Variants in TAFA4 observed in about 807,000 individuals in gnomAD.
TAFA4 encodes TAFA chemokine like family member 4.
In TAFA4, 20 loss-of-function variants were observed where a neutral mutation model predicts 21.1. The ratio of observed to expected loss-of-function variants is 0.95; its 90% CI spans 0.67 to 1.38. The LOEUF is 1.38. Ranked by LOEUF, TAFA4 falls within the 40% of genes most tolerant of loss-of-function variation. TAFA4 has a pLI of 0.00. For missense variants in TAFA4, 211 were observed against 180.9 expected (o/e 1.17, Z -0.95); for synonymous variants, 71 against 67.4 (o/e 1.05, Z -0.26).
intron 3 of TAFA4, among the ~76,000 whole-genome samples, chr3:68,779,008 G>C (rs1035156744): frequency 6.6e-6 from 1 of 152,178 alleles, no homozygotes; most frequent in African/African-American, 2.4e-5. Context: ...TGCTGATAGC[G>C]ATAAGGACAA....
At chr3:68,777,926 A>G (rs1362385689) in intron 3 of TAFA4, among the ~76,000 whole-genome samples, 3 of 152,146 alleles carry the variant, frequency 2.0e-5, no homozygotes, top group Non-Finnish European at 4.4e-5. Flanking sequence ...GTAGTCAATA[A>G]CATCTAGGTT....
chr3:68,827,300 G>A (rs1446078135), intron 3 of TAFA4, among the ~76,000 whole-genome samples: 1 of 152,116 alleles, frequency 6.6e-6, no homozygotes, highest in African/African-American at 2.4e-5. Flanking sequence ...GGACATTTGG[G>A]TTGGTTCCAA....
At chr3:68,749,363 CTTTGT>C (rs1249624328) in intron 4 of TAFA4, among the ~76,000 whole-genome samples, 1 of 152,080 alleles carries the variant, frequency 6.6e-6, no homozygotes, top group African/African-American at 2.4e-5. Flanking sequence ...ATCTTCTTGC[CTTTGT>C]TTTAATTTAA....
chr3:68,827,539 C>T (rs144124253), intron 3 of TAFA4, among the ~76,000 whole-genome samples: 2,079 of 152,286 alleles, frequency 0.014, 40 homozygotes, highest in African/African-American at 0.047. Context: ...ACATCCTCTC[C>T]AGCATCTGTT....
intron 5 of TAFA4, among the ~76,000 whole-genome samples, chr3:68,736,170 T>A (rs1702237807): frequency 6.6e-6 from 1 of 152,006 alleles, no homozygotes; most frequent in Non-Finnish European, 1.5e-5. Flanking sequence ...TAAGAAGATA[T>A]CATACCCTTG....
intron 5 of TAFA4, among the ~76,000 whole-genome samples, chr3:68,735,815 T>C (rs114315651): frequency 0.033 from 4,981 of 152,246 alleles, 114 homozygotes; most frequent in South Asian, 0.065. Context: ...TACTATTCTT[T>C]AAAGCAGCTT....
At chr3:68,894,398 G>A (rs565555226) in intron 1 of TAFA4, among the ~76,000 whole-genome samples, 5 of 152,232 alleles carry the variant, frequency 3.3e-5, no homozygotes, top group South Asian at 2.1e-4. Flanking sequence ...GGGCTCAAGC[G>A]ATCCTCCTGC....
chr3:68,880,873 T>A (rs1405932109), intron 2 of TAFA4, 28 bp from the exon 3 acceptor site: 1 of 1,590,040 alleles, frequency 6.3e-7, no homozygotes, highest in Admixed American at 1.7e-5. Flanking sequence ...CTGGAGTCAG[T>A]GAGGGCTGAG....
intron 2 of TAFA4, 29 bp from the exon 3 acceptor site, chr3:68,880,874 G>T: frequency 6.3e-7 from 1 of 1,588,292 alleles, no homozygotes; most frequent in Non-Finnish European, 8.6e-7. Context: ...TGGAGTCAGT[G>T]AGGGCTGAGG....
intron 2 of TAFA4, 39 bp downstream of exon 2, chr3:68,885,136 A>C (rs908464007): frequency 6.2e-7 from 1 of 1,605,666 alleles, no homozygotes; most frequent in Non-Finnish European, 8.5e-7. Context: ...AATACTTTGT[A>C]AAGATATCAT....
intron 5 of TAFA4, 93 bp downstream of exon 5, chr3:68,738,979 CATA>C: frequency 6.5e-7 from 1 of 1,539,080 alleles, no homozygotes; most frequent in Non-Finnish European, 8.8e-7. Flanking sequence ...TTTATTAACA[CATA>C]ATAATGTGTT....
chr3:68,763,285 G>A (rs1702789343), intron 3 of TAFA4, among the ~76,000 whole-genome samples: 1 of 152,116 alleles, frequency 6.6e-6, no homozygotes, highest in Admixed American at 6.5e-5. Flanking sequence ...AATGGAGGAT[G>A]ATATATTAGA....
intron 5 of TAFA4, 34 bp from the exon 6 acceptor site, chr3:68,733,187 C>T: frequency 6.2e-7 from 1 of 1,608,112 alleles, no homozygotes; most frequent in Non-Finnish European, 8.5e-7. Flanking sequence ...ACATTCAACA[C>T]TCTATACCCA....
chr3:68,737,802 A>G (rs185562224), intron 5 of TAFA4, among the ~76,000 whole-genome samples: 1 of 152,336 alleles, frequency 6.6e-6, no homozygotes, highest in East Asian at 1.9e-4. Flanking sequence ...GGACGACATA[A>G]GAAAGGCAAG....
chr3:68,866,678 A>AAAAAT (rs2089424321), intron 3 of TAFA4, among the ~76,000 whole-genome samples: 2 of 123,748 alleles, frequency 1.6e-5, no homozygotes, highest in African/African-American at 3.0e-5. Context: ...AAAAAAAAAA[A>AAAAAT]CTCTGCAAAC....
At chr3:68,864,295 T>C (rs1296295542) in intron 3 of TAFA4, among the ~76,000 whole-genome samples, 1 of 152,094 alleles carries the variant, frequency 6.6e-6, no homozygotes, top group Non-Finnish European at 1.5e-5. Context: ...GCCAAATAAT[T>C]TGAACACACT....
In TAFA4 at chr3:68,733,148, C is replaced by T. The variant is rs146641270; in HGVS notation, c.417G>A (p.Thr139=). 3,338 of 1,613,184 alleles carry T rather than the reference C, an allele frequency of 2.1e-3. 10 individuals carry two copies. The highest frequency in any genetic ancestry group is 5.8e-3 in the Middle Eastern group (35 of 6,052). The part of the protein sequence containing the change: ...SGNKVKTTKV[T]R ...AAGCACACCTCTCTCTTCGCTACCG[C>T]GTTACCTAAAACAAATCAAAATAAG... Residue 139 remains threonine (T), a synonymous_variant, in exon 6 of 6, where the codon ACG becomes ACA. Transcript: ENST00000295569.
At chr3:68,761,860 G>T (rs977336045) in intron 3 of TAFA4, among the ~76,000 whole-genome samples, 2 of 152,090 alleles carry the variant, frequency 1.3e-5, no homozygotes, top group Non-Finnish European at 2.9e-5. Context: ...GGAAGTAGAG[G>T]CTTCTAGATG....
At chr3:68,861,676 C>G (rs1317588061) in intron 3 of TAFA4, among the ~76,000 whole-genome samples, 1 of 152,022 alleles carries the variant, frequency 6.6e-6, no homozygotes, top group Non-Finnish European at 1.5e-5. Flanking sequence ...CCAACCCCCC[C>G]AGCCCAGCTC....
Sources: gnomAD v4.1 joint callset for allele counts (sites outside exome capture counted in the v4.1 genomes callset) on GRCh38, gnomAD v4.1.1 for gene constraint, MANE v1.5 for transcripts, NCBI Gene and HGNC (gene_info 2026-07-23, HGNC 2026-07-21) for gene names.